Variants in TLE4 observed in about 807,000 individuals in gnomAD.
TLE4 encodes TLE family member 4, transcriptional corepressor.
A neutral mutation model predicts 92.8 loss-of-function variants in TLE4; 8 were observed. The ratio of observed to expected loss-of-function variants is 0.09; its 90% CI spans 0.05 to 0.16. TLE4 has a LOEUF of 0.16. Ranked by LOEUF, TLE4 falls within the 10% of genes least tolerant of loss-of-function variation. The probability of loss-of-function intolerance (pLI) is 1.00; values close to 1 mark genes in which losing one functional copy is unlikely to be tolerated. For missense variants in TLE4, 675 were observed against 997.6 expected (o/e 0.68, Z 4.36); for synonymous variants, 371 against 374.1 (o/e 0.99, Z 0.10).
chr9:79,583,904 G>GGATCCA (rs2040370524), intron 4 of TLE4, among the ~76,000 whole-genome samples: 1 of 152,118 alleles, frequency 6.6e-6, no homozygotes, highest in Admixed American at 6.5e-5. Context: ...TATTTAAATA[G>GGATCCA]CTTCTGTCAG....
chr9:79,701,642 T>C (rs1265165322), intron 8 of TLE4, among the ~76,000 whole-genome samples: 2 of 152,178 alleles, frequency 1.3e-5, no homozygotes, highest in Non-Finnish European at 2.9e-5. Context: ...AGGAAGGGGC[T>C]GAATTGCCAT....
intron 14 of TLE4, among the ~76,000 whole-genome samples, 199 bp downstream of exon 14, chr9:79,709,898 C>T (rs1264756641): frequency 1.3e-5 from 2 of 152,190 alleles, no homozygotes; most frequent in Non-Finnish European, 1.5e-5. Flanking sequence ...AAATTTTGAG[C>T]TTTAATATGT....
intron 4 of TLE4, among the ~76,000 whole-genome samples, chr9:79,584,055 C>A (rs943524754): frequency 6.6e-6 from 1 of 152,194 alleles, no homozygotes; most frequent in Non-Finnish European, 1.5e-5. Context: ...CCAGAGTTCA[C>A]GCAGGTCAGC....
At chr9:79,653,673 T>C (rs1009442800) in intron 7 of TLE4, among the ~76,000 whole-genome samples, 3 of 152,176 alleles carry the variant, frequency 2.0e-5, no homozygotes, top group Non-Finnish European at 2.9e-5. Flanking sequence ...AATTATAATA[T>C]TAAGTCAGTG....
At chr9:79,712,317 C>T (rs2073509835) in intron 14 of TLE4, among the ~76,000 whole-genome samples, 1 of 152,166 alleles carries the variant, frequency 6.6e-6, no homozygotes, top group Non-Finnish European at 1.5e-5. Flanking sequence ...TATAAAGTTA[C>T]ATTCACTTAT....
At chr9:79,659,403 CT>C (rs148019973) in intron 8 of TLE4, among the ~76,000 whole-genome samples, 1,729 of 146,330 alleles carry the variant, frequency 0.012, 37 homozygotes, top group African/African-American at 0.039. Flanking sequence ...ATAGTGGGCC[CT>C]TTTTTTTTTA....
intron 8 of TLE4, among the ~76,000 whole-genome samples, chr9:79,685,161 T>C (rs1209257271): frequency 6.6e-6 from 1 of 152,162 alleles, no homozygotes; most frequent in African/African-American, 2.4e-5. Context: ...AAGAGTATTG[T>C]TTCCAAGACG....
rs1052095177 is a variant in TLE4, at chr9:79,725,223, C to T, written c.*79C>T. Reference sequence around the variant, plus strand: ...CATCCTTTTTGTTCACCCCCATCCCCGCATCTAAAACCAAGGATTTCAGAT... The same window carrying T: ...CATCCTTTTTGTTCACCCCCATCCCTGCATCTAAAACCAAGGATTTCAGAT... On this transcript the variant is annotated 3_prime_UTR_variant, in exon 20 of 20. Transcript: ENST00000376552. 14 of 1,014,256 alleles carry T rather than the reference C, an allele frequency of 1.4e-5. No individual in the cohort carries two copies. The highest frequency in any genetic ancestry group is 2.1e-4 in the Middle Eastern group (1 of 4,784). The allele number at this position is 1,014,256 out of a possible 1,614,324, so 62.8% of individuals were successfully genotyped here. A position where few individuals can be genotyped will look rare whatever the true frequency, so the allele number is the denominator to read the frequency against.
intron 4 of TLE4, among the ~76,000 whole-genome samples, chr9:79,599,213 C>G (rs879577461): frequency 2.6e-5 from 4 of 152,140 alleles, no homozygotes; most frequent in Non-Finnish European, 5.9e-5. Context: ...AAAGTTCAAA[C>G]CCCTTAGTGT....
chr9:79,692,594 A>G (rs1290772222), intron 8 of TLE4, among the ~76,000 whole-genome samples: 1 of 152,180 alleles, frequency 6.6e-6, no homozygotes, highest in Non-Finnish European at 1.5e-5. Context: ...ATAAACTACC[A>G]TAAACTGGGT....
intron 8 of TLE4, among the ~76,000 whole-genome samples, chr9:79,669,929 C>T (rs1225275333): frequency 2.6e-5 from 4 of 152,070 alleles, no homozygotes. Context: ...ATGCTCCCCA[C>T]GTTTCAGCTC....
At chr9:79,653,754 T>C (rs569268570) in intron 7 of TLE4, among the ~76,000 whole-genome samples, 4 of 152,334 alleles carry the variant, frequency 2.6e-5, no homozygotes, top group African/African-American at 9.6e-5. Context: ...CCAGTTATCT[T>C]AATGCTATGG....
chr9:79,684,320 C>T (rs774205059), intron 8 of TLE4, among the ~76,000 whole-genome samples: 6 of 152,136 alleles, frequency 3.9e-5, no homozygotes, highest in South Asian at 2.1e-4. Context: ...GGCCATAGAC[C>T]GGTACTGACC....
chr9:79,610,550 C>A (rs1049507399), intron 4 of TLE4, among the ~76,000 whole-genome samples: 2 of 151,962 alleles, frequency 1.3e-5, no homozygotes, highest in African/African-American at 2.4e-5. Flanking sequence ...CACCCCACCC[C>A]CCCACTGCCA....
intron 6 of TLE4, among the ~76,000 whole-genome samples, chr9:79,631,616 A>ATGTGTGTGTGTG (rs57129541): frequency 0.031 from 3,635 of 118,142 alleles, 92 homozygotes; most frequent in South Asian, 0.061. Context: ...TGAACCTTAA[A>ATGTGTGTGTGTG]TGTGTGTGTG....
chr9:79,706,567 T>G (rs551878914), intron 10 of TLE4, among the ~76,000 whole-genome samples, 180 bp from the exon 11 acceptor site: 8 of 152,246 alleles, frequency 5.3e-5, no homozygotes, highest in African/African-American at 1.9e-4. Context: ...TACTATAATT[T>G]TGGGGCCCTC....
intron 5 of TLE4, among the ~76,000 whole-genome samples, chr9:79,613,844 G>A (rs2048910675): frequency 6.6e-6 from 1 of 152,016 alleles, no homozygotes; most frequent in Non-Finnish European, 1.5e-5. Context: ...GTAACTATGG[G>A]TACCCTTCAT....
chr9:79,669,796 ATTGTTTTAGTCT>A (rs1197285721), intron 8 of TLE4, among the ~76,000 whole-genome samples: 1 of 152,214 alleles, frequency 6.6e-6, no homozygotes, highest in Non-Finnish European at 1.5e-5. Context: ...GAATGGCCCA[ATTGTTTTAGTCT>A]TTGCAGCATC....
chr9:79,646,682 T>C (rs2058150296), intron 6 of TLE4, among the ~76,000 whole-genome samples: 1 of 152,178 alleles, frequency 6.6e-6, no homozygotes, highest in African/African-American at 2.4e-5. Context: ...AGCTTAAAAA[T>C]GACCACTAAG....
Sources: allele counts gnomAD v4.1 joint callset (sites outside exome capture counted in the v4.1 genomes callset), GRCh38; gene constraint gnomAD v4.1.1; transcripts MANE v1.5; gene names NCBI Gene and HGNC (gene_info 2026-07-23, HGNC 2026-07-21).